The following PIEZO2 variants were observed in gnomAD, a reference collection of about 807,000 sequenced individuals.
PIEZO2 encodes piezo-type mechanosensitive ion channel component 2.
Under a neutral mutation model 337.3 loss-of-function variants are expected in PIEZO2, and 172 were observed. The observed-to-expected ratio is 0.51, with a 90% CI of 0.45 to 0.58. The LOEUF (loss-of-function observed/expected upper bound fraction) is 0.58, where lower values mean the gene tolerates loss of function less well. PIEZO2 is among the 20% of genes least tolerant of loss of function. PIEZO2 has a pLI of 0.00. For missense variants in PIEZO2, 3,028 were observed against 3,391.3 expected (o/e 0.89, Z 2.66); for synonymous variants, 1,251 against 1,228.5 (o/e 1.02, Z -0.38).
At chr18:10,917,122 A>G (rs2031040865) in intron 3 of PIEZO2, among the ~76,000 whole-genome samples, 1 of 32,348 alleles carries the variant, frequency 3.1e-5, no homozygotes, top group Non-Finnish European at 5.5e-5. Flanking sequence ...ACAAATATAC[A>G]TAGACAAAAG....
At chr18:10,722,491 A>G (rs1038963884) in intron 36 of PIEZO2, among the ~76,000 whole-genome samples, 3 of 152,118 alleles carry the variant, frequency 2.0e-5, no homozygotes, top group African/African-American at 4.8e-5. Context: ...CGGCCTCCCA[A>G]AGTTCTGGGA....
At chr18:10,788,512 T>TC (rs1461502964) in intron 15 of PIEZO2, among the ~76,000 whole-genome samples, 2 of 150,940 alleles carry the variant, frequency 1.3e-5, no homozygotes, top group African/African-American at 4.9e-5. Flanking sequence ...ACAGATTTTT[T>TC]TTGATCAATA....
intron 1 of PIEZO2, among the ~76,000 whole-genome samples, chr18:11,081,971 G>A (rs1226292556): frequency 6.6e-6 from 1 of 152,022 alleles, no homozygotes; most frequent in Non-Finnish European, 1.5e-5. Flanking sequence ...TATTGGTCAG[G>A]CTGATCTCGA....
At chr18:10,963,467 C>A (rs2033871566) in intron 3 of PIEZO2, among the ~76,000 whole-genome samples, 1 of 152,094 alleles carries the variant, frequency 6.6e-6, no homozygotes, top group Non-Finnish European at 1.5e-5. Context: ...TGAATAGATG[C>A]ATAACATCCG....
intron 5 of PIEZO2, among the ~76,000 whole-genome samples, chr18:10,860,285 C>A (rs1357739543): frequency 6.6e-6 from 1 of 152,176 alleles, no homozygotes; most frequent in Non-Finnish European, 1.5e-5. Context: ...CCTAAGACCA[C>A]TCTGCCTTTC....
chr18:10,979,589 G>A lies in PIEZO2; in HGVS notation c.232C>T (p.His78Tyr). The change falls in exon 3 of 56, where the codon CAC becomes TAC. Residue 78 changes from histidine to tyrosine, a missense_variant. His to Tyr is a moderately conservative substitution (Grantham distance 83, BLOSUM62 2). This residue lies in a region of PIEZO2 where 542 missense variants were observed against 605.6 expected (regional missense o/e 0.89). Transcript: ENST00000674853. The surrounding 1 kb of genome is among the most constrained non-coding windows in gnomAD (Gnocchi z 4.0). ...GCTTCAAGGCTCACCAACGTGATGT[G>A]GAAAATGATGTGCAGCAACAGGAAG... ...LSFLLLHIIFHITLVSLEAQH... is the reference protein window; with the variant it reads ...LSFLLLHIIFYITLVSLEAQH... 1 of 1,536,076 alleles carries A rather than the reference G, an allele frequency of 6.5e-7. No individual in the cohort carries two copies. The highest frequency in any genetic ancestry group is 8.7e-7 in the Non-Finnish European group (1 of 1,146,050).
intron 43 of PIEZO2, among the ~76,000 whole-genome samples, chr18:10,699,826 C>T (rs530476290): frequency 6.6e-6 from 1 of 152,258 alleles, no homozygotes; most frequent in South Asian, 2.1e-4. Flanking sequence ...GATGACCTTG[C>T]TGCTGTTGGA....
At chr18:10,951,820 A>G (rs987442980) in intron 3 of PIEZO2, among the ~76,000 whole-genome samples, 3 of 152,194 alleles carry the variant, frequency 2.0e-5, no homozygotes, top group African/African-American at 7.2e-5. Context: ...TTACTTATCT[A>G]TCATTCCCTG....
At chr18:11,061,079 T>C (rs1210668257) in intron 2 of PIEZO2, among the ~76,000 whole-genome samples, 1 of 152,184 alleles carries the variant, frequency 6.6e-6, no homozygotes, top group Non-Finnish European at 1.5e-5. Context: ...GCTTCATCCC[T>C]GGGATGCAAG....
At chr18:10,708,718 G>T (rs2035691677) in intron 39 of PIEZO2, among the ~76,000 whole-genome samples, 1 of 152,138 alleles carries the variant, frequency 6.6e-6, no homozygotes, top group South Asian at 2.1e-4. Context: ...AAAATGACAA[G>T]TCCCAATATT....
At position 11,028,037 on chromosome 18, in the gene PIEZO2, G is replaced by T. The variant is rs2036596516; in HGVS notation, c.160+38090C>A. On this transcript the variant is annotated intron_variant, in intron 2 of 55. Coordinates refer to ENST00000674853, the MANE Select transcript of PIEZO2 (RefSeq NM_001378183.1). This position sits in a 1 kb window ranked among gnomAD's most constrained non-coding sequence, Gnocchi z 4.8. ...GGGTAACCTGCCAAGTGTCCCTGTG[G>T]CTAGTCCAAGCACCGTCACAGAGGG... 6.6e-6 allele frequency among the ~76,000 whole-genome samples: 1 copy of T among 152,172 alleles called. No homozygotes were observed. Among genetic ancestry groups the T allele is most frequent in the South Asian group, 2.1e-4 (1 of 4,828 alleles).
intron 5 of PIEZO2, among the ~76,000 whole-genome samples, chr18:10,869,690 C>T (rs991023862): frequency 1.4e-4 from 21 of 152,212 alleles, no homozygotes; most frequent in Admixed American, 3.3e-4. Flanking sequence ...AGCACTCTTC[C>T]GTTTTTAGGG....
In PIEZO2 at chr18:10,973,613, T is replaced by G. The variant is rs539705603; in HGVS notation, c.286+5922A>C. On this transcript the variant is annotated intron_variant, in intron 3 of 55. Coordinates refer to ENST00000674853, the MANE Select transcript of PIEZO2 (RefSeq NM_001378183.1). This position sits in a 1 kb window ranked among gnomAD's most constrained non-coding sequence, Gnocchi z 4.9. ...AAAGATATAGCTTGGACCAGTTTTT[T>G]AAATTGTTGTATTGAGCGGCAACAT... 3.3e-5 allele frequency among the ~76,000 whole-genome samples: 5 copies of G among 152,354 alleles called. No individual in the cohort carries two copies. The East Asian group carries it at 9.6e-4, about 29-fold the overall frequency.
intron 40 of PIEZO2, 137 bp from the exon 41 acceptor site, chr18:10,705,883 T>C: frequency 8.8e-7 from 1 of 1,131,814 alleles, no homozygotes; most frequent in South Asian, 1.7e-5. Flanking sequence ...TCTGCTTTGT[T>C]CTTTTAGGAT....
intron 3 of PIEZO2, among the ~76,000 whole-genome samples, chr18:10,932,692 G>C (rs1054375499): frequency 3.3e-5 from 5 of 152,126 alleles, no homozygotes; most frequent in African/African-American, 1.2e-4. Context: ...GGAGGCAGAG[G>C]CAGGAAAATC....
chr18:10,927,005 T>C (rs137935486), intron 3 of PIEZO2, among the ~76,000 whole-genome samples: 11 of 152,308 alleles, frequency 7.2e-5, no homozygotes, highest in African/African-American at 2.4e-4. Context: ...AATACAAATG[T>C]CTTACTCATT....
rs148735793 is a variant in PIEZO2 at position 10,713,870 on chromosome 18, T to C, written c.5423+894A>G. ...TTTTTCCTCCTAAGACAGGGACTTC[T>C]GCTTTAATTTAGAATCTAGCTCTGT... On this transcript the variant is annotated intron_variant, in intron 39 of 55. Coordinates refer to ENST00000674853, the MANE Select transcript of PIEZO2 (RefSeq NM_001378183.1). This position sits in a 1 kb window ranked among gnomAD's most constrained non-coding sequence, Gnocchi z 4.5. 4.7e-4 allele frequency among the ~76,000 whole-genome samples: 71 copies of C among 152,372 alleles called. No individual in the cohort carries two copies. The highest frequency in any genetic ancestry group is 1.6e-3 in the African/African-American group (68 of 41,596).
intron 1 of PIEZO2, among the ~76,000 whole-genome samples, chr18:11,091,025 T>C (rs2039069946): frequency 6.6e-6 from 1 of 152,004 alleles, no homozygotes; most frequent in South Asian, 2.1e-4. Context: ...ACAAATATAG[T>C]GCTTCTAATA....
At position 10,988,609 on chromosome 18, in the gene PIEZO2, G is replaced by C. The variant is rs80244714; in HGVS notation, c.161-8949C>G. On this transcript the variant is annotated intron_variant, in intron 2 of 55. Coordinates refer to ENST00000674853, the MANE Select transcript of PIEZO2 (RefSeq NM_001378183.1). The surrounding 1 kb of genome is among the most constrained non-coding windows in gnomAD (Gnocchi z 4.8). ...CATTCAAAATAACTGAAATCAGGATGTCAAAAACCTATCTGCACACCCATG... is the reference window on the plus strand; with the variant it reads ...CATTCAAAATAACTGAAATCAGGATCTCAAAAACCTATCTGCACACCCATG... Among the ~76,000 whole-genome samples the C allele has an allele frequency of 0.055, 8,409 of 152,216 alleles. 509 individuals carry two copies. Among genetic ancestry groups the C allele is most frequent in the African/African-American group, 0.15 (6,136 of 41,524 alleles).
Sources: allele counts gnomAD v4.1 joint callset (sites outside exome capture counted in the v4.1 genomes callset), GRCh38; gene constraint gnomAD v4.1.1; regional missense constraint gnomAD v4.1.1; non-coding constraint Gnocchi (gnomAD v3.1); transcripts MANE v1.5; gene names NCBI Gene and HGNC (gene_info 2026-07-23, HGNC 2026-07-21).